Variants in NEK1 observed in about 807,000 individuals in gnomAD.
The protein encoded by NEK1 is NIMA related kinase 1.
In NEK1, 137 loss-of-function variants were observed where a neutral mutation model predicts 182.1. That is an observed-to-expected ratio of 0.75 (90% CI 0.65 to 0.87). The LOEUF (loss-of-function observed/expected upper bound fraction) is 0.87. Ranked by LOEUF, NEK1 falls within the 40% of genes least tolerant of loss-of-function variation. The pLI is 0.00. For missense variants in NEK1, 1,391 were observed against 1,494.4 expected (o/e 0.93, Z 1.14); for synonymous variants, 513 against 492.2 (o/e 1.04, Z -0.56).
intron 16 of NEK1, 58 bp from the exon 17 acceptor site, chr4:169,556,153 A>G: frequency 6.9e-7 from 1 of 1,443,648 alleles, no homozygotes; most frequent in Non-Finnish European, 9.3e-7. Flanking sequence ...ACAGGCCTGT[A>G]CTAGTCTCAA....
rs1178325050 is a variant in NEK1, at chr4:169,561,814, A to T, written c.1140+18T>A. The T allele has an allele frequency of 6.2e-7, 1 of 1,608,800 alleles. No homozygotes were observed. The highest frequency in any genetic ancestry group is 1.1e-5 in the South Asian group (1 of 89,492). On this transcript the variant is annotated intron_variant, in intron 14 of 35. Transcript: ENST00000507142. ...TTAACAACTTGCCAAAGGTAGAAAA[A>T]CAAGAGCAAAAAACTACCTGATCCT...
intron 23 of NEK1, among the ~76,000 whole-genome samples, chr4:169,493,195 A>G (rs1750447654): frequency 6.6e-6 from 1 of 152,210 alleles, no homozygotes; most frequent in Non-Finnish European, 1.5e-5. Context: ...CAAAAAACCC[A>G]TATGGAGCTT....
At chr4:169,433,400 T>C (rs1737793060) in intron 29 of NEK1, 145 bp downstream of exon 29, 4 of 750,604 alleles carry the variant, frequency 5.3e-6, no homozygotes, top group Non-Finnish European at 8.4e-6. Context: ...CTGAACCATA[T>C]GAATATCTAT....
rs1470242651 is a variant in NEK1, at chr4:169,585,391, T to C, written c.765A>G (p.Lys255=). The change falls in exon 10 of 36, where the codon AAA becomes AAG. Residue 255 remains lysine, a synonymous_variant. Transcript: ENST00000507142. ...TTTCAATGCGTTTGGCTATAAAACC[T>C]TTCTCCAATATGGAGTTGACTGATG... is the stretch of plus-strand genomic sequence containing the variant. The part of the protein sequence containing the change: ...DRPSVNSILE[K]GFIAKRIEKF... 6.2e-7 allele frequency: 1 copy of C among 1,613,672 alleles called. No individual in the cohort carries two copies. Among genetic ancestry groups the C allele is most frequent in the Non-Finnish European group, 8.5e-7 (1 of 1,179,734 alleles).
At position 169,561,903 on chromosome 4, in the gene NEK1, A is replaced by C; in HGVS notation, c.1081-12T>G. 6.3e-7 allele frequency: 1 copy of C among 1,591,932 alleles called. No homozygotes were observed. The highest frequency in any genetic ancestry group is 1.4e-5 in the African/African-American group (1 of 73,728). The stretch of plus-strand genomic sequence containing the variant: ...TTTCTTGCTGCTTCCTTAAATAAAA[A>C]AAAGAACATTTTAATCCATAATAAT... On this transcript the variant is annotated splice_polypyrimidine_tract_variant and intron_variant, in intron 13 of 35. Coordinates refer to ENST00000507142, the MANE Select transcript of NEK1 (RefSeq NM_001199397.3).
chr4:169,423,435 A>G (rs570122561), intron 31 of NEK1, among the ~76,000 whole-genome samples: 1 of 152,334 alleles, frequency 6.6e-6, no homozygotes, highest in African/African-American at 2.4e-5. Flanking sequence ...GTTAAGGACT[A>G]AAGAATTCAG....
Position 169,413,114 on chromosome 4 carries a change from T to A in NEK1, c.3223-6367A>T, listed in dbSNP as rs549183116. Among the ~76,000 whole-genome samples the A allele has an allele frequency of 5.3e-5, 8 of 152,220 alleles. No individual in the cohort carries two copies. In the East Asian group the frequency reaches 1.5e-3, roughly 29 times the overall value. On this transcript the variant is annotated intron_variant, in intron 31 of 35. Transcript: ENST00000507142. ...AATTTAGTTTATGTCACTTTTTTTT[T>A]AAAGCAACTCTTTACTCCTTCAAAC... is the stretch of plus-strand genomic sequence containing the variant.
chr4:169,584,017 T>A (rs942337426), intron 10 of NEK1, among the ~76,000 whole-genome samples: 37 of 152,326 alleles, frequency 2.4e-4, no homozygotes, highest in African/African-American at 8.4e-4. Context: ...TTGCTGAATA[T>A]CTTATTTACT....
chr4:169,513,862 G>C (rs1370455557), intron 19 of NEK1, among the ~76,000 whole-genome samples: 1 of 151,938 alleles, frequency 6.6e-6, no homozygotes, highest in Non-Finnish European at 1.5e-5. Flanking sequence ...TTGATATGGT[G>C]AATCACATTG....
chr4:169,502,405 T>C (rs775150251), intron 23 of NEK1, among the ~76,000 whole-genome samples: 4 of 151,908 alleles, frequency 2.6e-5, no homozygotes, highest in Non-Finnish European at 5.9e-5. Flanking sequence ...CATCATGATA[T>C]CAAAATATGG....
intron 28 of NEK1, among the ~76,000 whole-genome samples, chr4:169,435,766 G>T (rs1738301084): frequency 6.6e-6 from 1 of 152,120 alleles, no homozygotes; most frequent in South Asian, 2.1e-4. Flanking sequence ...AATATGCCAG[G>T]CATGGGAGTG....
Position 169,463,224 on chromosome 4 carries a change from A to AC in NEK1, c.2587+18dup. On this transcript the variant is annotated intron_variant, in intron 27 of 35. Transcript: ENST00000507142. ...ATAATATTACTTCTAGTATAGAAAA[A>AC]CTACCAGTTTCTCCTTACCACTTCT... 1.4e-6 allele frequency: 2 copies of AC among 1,399,294 alleles called. No individual in the cohort carries two copies. The highest frequency in any genetic ancestry group is 1.9e-6 in the Non-Finnish European group (2 of 1,059,550). 86.7% of individuals were successfully genotyped at this position (1,399,294 alleles called of 1,614,324 possible). A position where few individuals can be genotyped will look rare whatever the true frequency, so the allele number is the denominator to read the frequency against.
chr4:169,514,671 C>A (rs1411413540), intron 19 of NEK1, among the ~76,000 whole-genome samples: 2 of 152,052 alleles, frequency 1.3e-5, no homozygotes, highest in Non-Finnish European at 2.9e-5. Flanking sequence ...TGAATTTATC[C>A]TTTTAATTGT....
At chr4:169,496,452 T>C (rs572036815) in intron 23 of NEK1, among the ~76,000 whole-genome samples, 29 of 150,806 alleles carry the variant, frequency 1.9e-4, no homozygotes, top group East Asian at 1.7e-3. Context: ...TGAATAGGAG[T>C]GGTGAGAGAG....
In NEK1 at chr4:169,498,992, CAG is replaced by C. The variant is rs1003003448; in HGVS notation, c.2007+8043_2007+8044del. 8.0e-4 allele frequency among the ~76,000 whole-genome samples: 122 copies of C among 152,334 alleles called. 1 individual carries two copies. Among genetic ancestry groups the C allele is most frequent in the African/African-American group, 2.7e-3 (111 of 41,570 alleles). On this transcript the variant is annotated intron_variant, in intron 23 of 35. Transcript: ENST00000507142. Reference sequence around the variant, plus strand: ...GGAAGTTCTCCTGGATAATATACTGCAGAGTGTTTTCCAACTTGGTTCCATTC... The same window carrying C: ...GGAAGTTCTCCTGGATAATATACTGCAGTGTTTTCCAACTTGGTTCCATTC...
intron 12 of NEK1, among the ~76,000 whole-genome samples, chr4:169,563,654 T>C (rs1763268561): frequency 6.6e-6 from 1 of 152,256 alleles, no homozygotes; most frequent in African/African-American, 2.4e-5. Context: ...CAAATCCCTC[T>C]GTCTTGTTCC....
At chr4:169,561,407 C>T in intron 16 of NEK1, 73 bp downstream of exon 16, 1 of 1,269,580 alleles carries the variant, frequency 7.9e-7, no homozygotes, top group Non-Finnish European at 1.1e-6. Flanking sequence ...ATCCCAAGTA[C>T]ATGCATTTTA....
intron 31 of NEK1, among the ~76,000 whole-genome samples, chr4:169,413,846 G>A (rs921503408): frequency 1.1e-4 from 16 of 152,224 alleles, no homozygotes; most frequent in East Asian, 1.9e-4. Flanking sequence ...GTGAAACTCC[G>A]TCTCCACTAA....
At position 169,394,358 on chromosome 4, in the gene NEK1, T is replaced by A; in HGVS notation, c.*152A>T. 1.9e-6 allele frequency: 1 copy of A among 534,528 alleles called. No individual in the cohort carries two copies. Among genetic ancestry groups the A allele is most frequent in the Non-Finnish European group, 3.4e-6 (1 of 297,628 alleles). 33.1% of individuals were successfully genotyped at this position (534,528 alleles called of 1,614,324 possible). A position where few individuals can be genotyped will look rare whatever the true frequency, so the allele number is the denominator to read the frequency against. On this transcript the variant is annotated 3_prime_UTR_variant, in exon 36 of 36. Transcript: ENST00000507142. ...TTAGAATCTTCACTGAAAAATGGCA[T>A]GTTTCTCCATCTTTTTCATGCAATA...
Sources: allele counts gnomAD v4.1 joint callset (sites outside exome capture counted in the v4.1 genomes callset), GRCh38; gene constraint gnomAD v4.1.1; transcripts MANE v1.5; gene names NCBI Gene and HGNC (gene_info 2026-07-23, HGNC 2026-07-21).